Variants in TCEA1 observed in about 807,000 individuals in gnomAD.
TCEA1 encodes the protein transcription elongation factor A1, also known as transcription elongation factor A protein 1.
In TCEA1, 21 loss-of-function variants were observed where a neutral mutation model predicts 43.8. That is an observed-to-expected ratio of 0.48 (90% CI 0.34 to 0.69). TCEA1 has a LOEUF of 0.69. TCEA1 is among the 30% of genes least tolerant of loss of function. The probability of loss-of-function intolerance (pLI) is 0.01; values close to 1 mark genes in which losing one functional copy is unlikely to be tolerated. For missense variants in TCEA1, 250 were observed against 365.1 expected (o/e 0.68, Z 2.57); for synonymous variants, 104 against 117.5 (o/e 0.88, Z 0.75).
At chr8:53,991,108 A>C (rs1262134928) in intron 4 of TCEA1, among the ~76,000 whole-genome samples, 1 of 152,132 alleles carries the variant, frequency 6.6e-6, no homozygotes, top group Non-Finnish European at 1.5e-5. Context: ...AAAGACAACG[A>C]GAGGCCAGGC....
intron 2 of TCEA1, 185 bp downstream of exon 2, chr8:54,010,245 G>A (rs532864692): frequency 2.1e-5 from 11 of 519,728 alleles, no homozygotes; most frequent in East Asian, 1.5e-4. Flanking sequence ...TAAGAAAGGC[G>A]ACATTGCTCT....
At chr8:54,015,119 GTCT>G (rs1163326243) in intron 1 of TCEA1, among the ~76,000 whole-genome samples, 1 of 151,862 alleles carries the variant, frequency 6.6e-6, no homozygotes, top group East Asian at 1.9e-4. Flanking sequence ...CTATAATAAT[GTCT>G]TCTTCATAGG....
At chr8:53,973,257 T>G (rs759726641) in intron 8 of TCEA1, 19 of 479,960 alleles carry the variant, frequency 4.0e-5, no homozygotes, top group Non-Finnish European at 6.3e-5. Context: ...GAAAATGATA[T>G]GGAAATGGAA....
In TCEA1 at chr8:53,979,908, T is replaced by C. The variant is rs113995276; in HGVS notation, c.679-737A>G. On this transcript the variant is annotated intron_variant, in intron 7 of 9. Coordinates refer to ENST00000521604, the MANE Select transcript of TCEA1 (RefSeq NM_006756.4). ...TCCCTATGATTGCATCCCCAATCAA[T>C]CAGCAGCACCCATTCCCTAGTCACC... Among the ~76,000 whole-genome samples, 619 of 152,274 alleles carry C rather than the reference T, an allele frequency of 4.1e-3. 4 individuals carry two copies. Among genetic ancestry groups the C allele is most frequent in the African/African-American group, 0.014 (590 of 41,536 alleles).
In TCEA1 at chr8:53,999,967, G is replaced by T. The variant is rs1804203506; in HGVS notation, c.210C>A (p.Ile70=). The T allele has an allele frequency of 1.9e-6, 3 of 1,597,316 alleles. No individual in the cohort carries two copies. The highest frequency in any genetic ancestry group is 1.7e-5 in the Admixed American group (1 of 58,384). ...EEVTSLAKSL[I]KSWKKLLDGP... is the part of the protein sequence containing the mutation. ...TACCTAATAATTTTTTCCAGGATTT[G>T]ATGAGAGACTTTGCCAAAGATGTAA... The change falls in exon 3 of 10, where the codon ATC becomes ATA. Residue 70 remains isoleucine, a synonymous_variant. Transcript: ENST00000521604.
chr8:53,999,881 T>C, intron 3 of TCEA1, 64 bp downstream of exon 3: 1 of 1,121,400 alleles, frequency 8.9e-7, no homozygotes, highest in Non-Finnish European at 1.3e-6. Context: ...CCATAAAATG[T>C]AACCATTAAC....
intron 7 of TCEA1, among the ~76,000 whole-genome samples, chr8:53,982,613 CAAAAAAAAAA>C (rs558788906): frequency 3.5e-5 from 2 of 57,804 alleles, no homozygotes; most frequent in Admixed American, 4.1e-4. Context: ...CATTCCCCAC[CAAAAAAAAAA>C]AAAAAAAAAA....
At chr8:54,006,485 A>G (rs1459093717) in intron 2 of TCEA1, among the ~76,000 whole-genome samples, 4 of 151,920 alleles carry the variant, frequency 2.6e-5, no homozygotes, top group Middle Eastern at 3.4e-3. Context: ...ATCTCAAAGA[A>G]AAAAAAAACC....
intron 2 of TCEA1, among the ~76,000 whole-genome samples, chr8:54,006,755 A>T (rs1306759751): frequency 6.6e-6 from 1 of 152,210 alleles, no homozygotes; most frequent in African/African-American, 2.4e-5. Flanking sequence ...TGATCATTAG[A>T]CAGAAACCTG....
At chr8:54,007,810 T>C (rs1804522365) in intron 2 of TCEA1, among the ~76,000 whole-genome samples, 1 of 152,022 alleles carries the variant, frequency 6.6e-6, no homozygotes, top group Admixed American at 6.6e-5. Flanking sequence ...AACCAGAAAA[T>C]AACGATATTC....
At chr8:54,021,177 T>TA (rs1422480505) in intron 1 of TCEA1, among the ~76,000 whole-genome samples, 4 of 152,132 alleles carry the variant, frequency 2.6e-5, no homozygotes, top group African/African-American at 4.8e-5. Flanking sequence ...CAACAAGAGT[T>TA]AAACTCCGTC....
chr8:53,990,877 A>G (rs572065084), intron 4 of TCEA1, among the ~76,000 whole-genome samples: 1 of 152,338 alleles, frequency 6.6e-6, no homozygotes, highest in African/African-American at 2.4e-5. Flanking sequence ...CACCCAAAAT[A>G]TAAAATCCTG....
chr8:53,972,580 C>A, intron 8 of TCEA1: 1 of 556,972 alleles, frequency 1.8e-6, no homozygotes. Flanking sequence ...TGATTTAAAC[C>A]TAAAGGAGGT....
intron 2 of TCEA1, among the ~76,000 whole-genome samples, chr8:54,000,470 T>C (rs1457282348): frequency 1.3e-5 from 2 of 152,222 alleles, no homozygotes; most frequent in Non-Finnish European, 2.9e-5. Context: ...CTGCAAATTA[T>C]TATGAGGATA....
chr8:53,972,738 C>A, intron 8 of TCEA1: 1 of 696,572 alleles, frequency 1.4e-6, no homozygotes. Context: ...GAGAGGTTAT[C>A]AACTCAAATG....
intron 7 of TCEA1, among the ~76,000 whole-genome samples, chr8:53,983,911 C>A (rs1439840021): frequency 6.6e-6 from 1 of 152,118 alleles, no homozygotes; most frequent in East Asian, 1.9e-4. Flanking sequence ...ACCAGCCTGA[C>A]CAACATGAAG....
At chr8:53,984,123 G>A (rs578158827) in intron 7 of TCEA1, among the ~76,000 whole-genome samples, 1 of 152,272 alleles carries the variant, frequency 6.6e-6, no homozygotes, top group African/African-American at 2.4e-5. Context: ...AGTAAAACAC[G>A]TTTGTTTTTA....
chr8:54,010,365 G>T (rs756762661), intron 2 of TCEA1, 65 bp downstream of exon 2: 2 of 1,195,198 alleles, frequency 1.7e-6, no homozygotes, highest in African/African-American at 1.5e-5. Context: ...TATTGGTACT[G>T]AAGATGTTTT....
intron 4 of TCEA1, among the ~76,000 whole-genome samples, chr8:53,988,984 G>A (rs1475463162): frequency 6.6e-6 from 1 of 151,658 alleles, no homozygotes; most frequent in East Asian, 1.9e-4. Context: ...CAGGAAAATC[G>A]CTTGAACCCA....
Sources: allele counts gnomAD v4.1 joint callset (sites outside exome capture counted in the v4.1 genomes callset), GRCh38; gene constraint gnomAD v4.1.1; transcripts MANE v1.5; gene names NCBI Gene and HGNC (gene_info 2026-07-23, HGNC 2026-07-21).